SWT1: variants seen among roughly 807,000 people sequenced by gnomAD.
SWT1 encodes transcriptional protein SWT1.
SWT1 carries 33 observed loss-of-function variants against 107.3 expected under a neutral mutation model. That is an observed-to-expected ratio of 0.31 (90% CI 0.23 to 0.41). The LOEUF is 0.41. Ranked by LOEUF, SWT1 falls within the 10% of genes least tolerant of loss-of-function variation. The probability of loss-of-function intolerance (pLI) is 1.00; values close to 1 mark genes in which losing one functional copy is unlikely to be tolerated. For synonymous variants in SWT1, 345 were observed against 348.3 expected (o/e 0.99, Z 0.11); for missense variants, 898 against 1,028.9 (o/e 0.87, Z 1.74).
In SWT1 at chr1:185,195,065, G is replaced by C. The variant is rs1173201412; in HGVS notation, c.1523+4423G>C. 2.0e-5 allele frequency among the ~76,000 whole-genome samples: 3 copies of C among 152,064 alleles called. No individual in the cohort carries two copies. The East Asian group carries it at 5.8e-4, about 29-fold the overall frequency. ...GCAGAACGTGCAGGTTTGTTACATA[G>C]GTATACACGTGCCATGGTGATTTGC... On this transcript the variant is annotated intron_variant, in intron 10 of 18. Transcript: ENST00000367500.
chr1:185,181,836 T>A, intron 6 of SWT1, 110 bp from the exon 7 acceptor site: 1 of 1,129,822 alleles, frequency 8.9e-7, no homozygotes. Context: ...TATAAAATTT[T>A]TTCTTTCCAT....
At position 185,269,093 on chromosome 1, in the gene SWT1, T is replaced by C. The variant is rs376278853; in HGVS notation, c.2442-2230T>C. Among the ~76,000 whole-genome samples the C allele has an allele frequency of 1.1e-4, 17 of 152,186 alleles. 1 individual carries two copies. Among genetic ancestry groups the C allele is most frequent in the African/African-American group, 3.9e-4 (16 of 41,548 alleles). ...GGTCTCGATCTCCTGACCTCGTGATTTGCCCGCCTCAGCCTCCCAAAGTGC... is the reference window on the plus strand; with the variant it reads ...GGTCTCGATCTCCTGACCTCGTGATCTGCCCGCCTCAGCCTCCCAAAGTGC... On this transcript the variant is annotated intron_variant, in intron 16 of 18. Coordinates refer to ENST00000367500, the MANE Select transcript of SWT1 (RefSeq NM_017673.7).
At chr1:185,240,302 A>T (rs1306827319) in intron 16 of SWT1, among the ~76,000 whole-genome samples, 1 of 152,140 alleles carries the variant, frequency 6.6e-6, no homozygotes, top group Non-Finnish European at 1.5e-5. Flanking sequence ...TTGGTTTAAC[A>T]TGTAAAACTT....
chr1:185,177,966 G>C (rs1655704756), intron 5 of SWT1, among the ~76,000 whole-genome samples: 1 of 152,168 alleles, frequency 6.6e-6, no homozygotes, highest in South Asian at 2.1e-4. Context: ...TAGGTATTTA[G>C]AAATGAGTAA....
chr1:185,278,924 A>G (rs998183858), intron 18 of SWT1, among the ~76,000 whole-genome samples: 1 of 152,256 alleles, frequency 6.6e-6, no homozygotes, highest in Non-Finnish European at 1.5e-5. Flanking sequence ...AAATGCTTCT[A>G]CTGTTAAAGC....
intron 13 of SWT1, among the ~76,000 whole-genome samples, chr1:185,211,528 A>T (rs1658805876): frequency 6.6e-6 from 1 of 152,200 alleles, no homozygotes; most frequent in Non-Finnish European, 1.5e-5. Context: ...AACATATTGG[A>T]CATCTCTCCA....
chr1:185,175,191 T>C (rs1382071373), intron 5 of SWT1, 78 bp downstream of exon 5: 1 of 1,128,474 alleles, frequency 8.9e-7, no homozygotes, highest in Non-Finnish European at 1.2e-6. Context: ...TGTATTTCTA[T>C]ATTTTTTTCT....
At chr1:185,208,736 G>T (rs1229321387) in intron 13 of SWT1, among the ~76,000 whole-genome samples, 1 of 141,830 alleles carries the variant, frequency 7.1e-6, no homozygotes, top group Non-Finnish European at 1.5e-5. Context: ...GATGTTCGAT[G>T]AATATCTTTT....
At chr1:185,203,443 C>A (rs2025227) in intron 11 of SWT1, among the ~76,000 whole-genome samples, 68,894 of 151,706 alleles carry the variant, frequency 0.45, 17,450 homozygotes, top group African/African-American at 0.7. Context: ...ACATGGGGAA[C>A]CCCTGTCTGT....
intron 5 of SWT1, 73 bp from the exon 6 acceptor site, chr1:185,180,318 A>T (rs1655914355): frequency 1.7e-6 from 2 of 1,199,152 alleles, no homozygotes; most frequent in African/African-American, 1.5e-5. Flanking sequence ...CCTGAAGGTT[A>T]ATAGTGACAA....
chr1:185,271,245 G>C (rs1255450182), intron 16 of SWT1, 78 bp from the exon 17 acceptor site: 1 of 762,912 alleles, frequency 1.3e-6, no homozygotes, highest in Non-Finnish European at 2.4e-6. Flanking sequence ...GTATGGGTAT[G>C]TTTTGGGAGA....
At chr1:185,185,260 G>A (rs1571443457) in intron 9 of SWT1, among the ~76,000 whole-genome samples, 1 of 152,128 alleles carries the variant, frequency 6.6e-6, no homozygotes, top group Non-Finnish European at 1.5e-5. Flanking sequence ...TAGGTTTCTA[G>A]TCTGTTAATA....
rs183148356 is a variant in SWT1 at position 185,206,612 on chromosome 1, A to G, written c.1834-13A>G. On this transcript the variant is annotated splice_polypyrimidine_tract_variant and intron_variant, in intron 12 of 18. Coordinates refer to ENST00000367500, the MANE Select transcript of SWT1 (RefSeq NM_017673.7). ...AATCTAGAGATGTTAATTTTTTTCTACATACTCTTTAGATCCTGTACCTGA... is the reference window on the plus strand; with the variant it reads ...AATCTAGAGATGTTAATTTTTTTCTGCATACTCTTTAGATCCTGTACCTGA... 8 of 1,446,762 alleles carry G rather than the reference A, an allele frequency of 5.5e-6. No individual in the cohort carries two copies. In the Admixed American group the frequency reaches 1.8e-4, roughly 32 times the overall value. The allele number at this position is 1,446,762 out of a possible 1,614,324, so 89.6% of individuals were successfully genotyped here.
intron 17 of SWT1, among the ~76,000 whole-genome samples, chr1:185,273,173 G>A (rs994157559): frequency 1.3e-5 from 2 of 152,204 alleles, no homozygotes; most frequent in Non-Finnish European, 2.9e-5. Flanking sequence ...GGAAGGCCAA[G>A]GCAGGTGGAT....
At chr1:185,159,689 A>G (rs1449046595) in intron 1 of SWT1, among the ~76,000 whole-genome samples, 2 of 152,048 alleles carry the variant, frequency 1.3e-5, no homozygotes, top group African/African-American at 4.8e-5. Context: ...TGCAAGATGT[A>G]TATGTACATA....
chr1:185,181,660 A>G (rs956609541), intron 6 of SWT1, among the ~76,000 whole-genome samples: 2 of 152,216 alleles, frequency 1.3e-5, no homozygotes, highest in Non-Finnish European at 2.9e-5. Flanking sequence ...CAAAAATCCT[A>G]AAGGAAATAG....
intron 16 of SWT1, among the ~76,000 whole-genome samples, chr1:185,242,903 C>T (rs1192335688): frequency 6.6e-6 from 1 of 151,990 alleles, no homozygotes; most frequent in Non-Finnish European, 1.5e-5. Flanking sequence ...ATGTTAAACA[C>T]CAGTAAAAGA....
At chr1:185,271,450 TAAAC>T (rs924155325) in intron 17 of SWT1, 61 bp downstream of exon 17, 3 of 861,102 alleles carry the variant, frequency 3.5e-6, no homozygotes, top group African/African-American at 3.4e-5. Context: ...TTAATGTAAA[TAAAC>T]AGAGTAGGAG....
intron 14 of SWT1, among the ~76,000 whole-genome samples, chr1:185,216,893 A>G (rs1163755615): frequency 6.6e-6 from 1 of 151,838 alleles, no homozygotes; most frequent in Admixed American, 6.6e-5. Context: ...CAGAGGTTGC[A>G]GTGAGCTGAG....
Sources: allele counts gnomAD v4.1 joint callset (sites outside exome capture counted in the v4.1 genomes callset), GRCh38; gene constraint gnomAD v4.1.1; transcripts MANE v1.5; gene names NCBI Gene and HGNC (gene_info 2026-07-23, HGNC 2026-07-21).